ANKFN1: variants seen among roughly 807,000 people sequenced by gnomAD.
The protein encoded by ANKFN1 is ankyrin repeat and fibronectin type-III domain-containing protein 1.
A neutral mutation model predicts 108.7 loss-of-function variants in ANKFN1; 74 were observed. The ratio of observed to expected loss-of-function variants is 0.68; its 90% CI spans 0.56 to 0.83. The LOEUF (loss-of-function observed/expected upper bound fraction) is 0.83, where lower values mean the gene tolerates loss of function less well. Ranked by LOEUF, ANKFN1 falls within the 40% of genes least tolerant of loss-of-function variation. ANKFN1 has a pLI of 0.00. For missense variants in ANKFN1, 1,505 were observed against 1,382.3 expected, an observed-to-expected ratio of 1.09 and a Z score of -1.41; for synonymous variants, 547 against 516.2, an observed-to-expected ratio of 1.06 and a Z score of -0.81.
rs759919001 is a variant in ANKFN1 at position 56,091,835 on chromosome 17, G to A, written c.288+45510G>A. Among the ~76,000 whole-genome samples, 25 of 151,406 alleles carry A rather than the reference G, an allele frequency of 1.7e-4. 1 individual carries two copies. Among genetic ancestry groups the A allele is most frequent in the Non-Finnish European group, 3.1e-4 (21 of 67,740 alleles). On this transcript the variant is annotated intron_variant, in intron 4 of 12. Transcript: ENST00000635860. ...GCTGCAGAGGTAAATGTATTAACTAGTTGAATTGATATGTAATCCCCTGTA... is the reference window on the plus strand; with the variant it reads ...GCTGCAGAGGTAAATGTATTAACTAATTGAATTGATATGTAATCCCCTGTA...
intron 4 of ANKFN1, among the ~76,000 whole-genome samples, chr17:56,144,176 A>AC (rs1384380254): frequency 2.7e-4 from 33 of 121,876 alleles, no homozygotes; most frequent in Non-Finnish European, 4.6e-4. Flanking sequence ...AAAAAAAAAA[A>AC]AAAAAAAAAC....
In ANKFN1 at chr17:56,392,891, G is replaced by T. The variant is rs144794238; in HGVS notation, c.910+18177G>T. Among the ~76,000 whole-genome samples, 30 of 152,106 alleles carry T rather than the reference G, an allele frequency of 2.0e-4. 1 individual carries two copies. In the East Asian group the frequency reaches 5.8e-3, roughly 29 times the overall value. On this transcript the variant is annotated intron_variant, in intron 8 of 20. Coordinates refer to ENST00000682825, the MANE Select transcript of ANKFN1 (RefSeq NM_001370326.1). Reference sequence around the variant, plus strand: ...CTATTATATGCCTCGCATTGTGCCAGCTCTTGTCATATGCAAAAGCTCCCT... The same window carrying T: ...CTATTATATGCCTCGCATTGTGCCATCTCTTGTCATATGCAAAAGCTCCCT...
chr17:56,058,326 A>G (rs749510267), intron 4 of ANKFN1, among the ~76,000 whole-genome samples: 7 of 152,236 alleles, frequency 4.6e-5, no homozygotes, highest in Non-Finnish European at 7.3e-5. Flanking sequence ...CGCCACCTTC[A>G]TGAATAATCT....
chr17:56,391,486 G>A (rs1180437711), intron 8 of ANKFN1, among the ~76,000 whole-genome samples: 1 of 150,820 alleles, frequency 6.6e-6, no homozygotes, highest in African/African-American at 2.5e-5. Flanking sequence ...GAGTGCAGTG[G>A]CGCTATCTCA....
chr17:56,196,580 TA>T (rs1014708060), intron 1 of ANKFN1, among the ~76,000 whole-genome samples: 5 of 151,582 alleles, frequency 3.3e-5, no homozygotes, highest in Non-Finnish European at 4.4e-5. Flanking sequence ...ACAAAATTTT[TA>T]AAAAAAAATT....
Position 56,086,141 on chromosome 17 carries a change from G to A in ANKFN1, c.288+39816G>A, listed in dbSNP as rs997055835. Among the ~76,000 whole-genome samples, 9 of 150,898 alleles carry A rather than the reference G, an allele frequency of 6.0e-5. 1 individual carries two copies. Among genetic ancestry groups the A allele is most frequent in the Admixed American group, 2.7e-4 (4 of 15,090 alleles). On this transcript the variant is annotated intron_variant, in intron 4 of 12. Coordinates refer to the ANKFN1 transcript ENST00000635860. ...ATCAATTTGTGCCAGGTGCAGTGCC[G>A]CACACCTGTAGTCCTAGCACTTTGG...
intron 4 of ANKFN1, among the ~76,000 whole-genome samples, chr17:56,047,524 A>G (rs555215450): frequency 5.9e-5 from 9 of 152,242 alleles, no homozygotes; most frequent in African/African-American, 2.2e-4. Context: ...GAATGCTGTT[A>G]TGTGGGAGTC....
intron 4 of ANKFN1, among the ~76,000 whole-genome samples, chr17:56,078,942 A>G (rs1040384846): frequency 2.0e-5 from 3 of 152,206 alleles, no homozygotes; most frequent in African/African-American, 7.2e-5. Flanking sequence ...CTTTAGAGAC[A>G]GGAGGATTTT....
At chr17:56,136,118 C>A (rs1907587915) in intron 4 of ANKFN1, among the ~76,000 whole-genome samples, 1 of 152,132 alleles carries the variant, frequency 6.6e-6, no homozygotes, top group African/African-American at 2.4e-5. Flanking sequence ...CCTGTGCCAT[C>A]CAGAGGCACC....
At chr17:56,375,695 G>A (rs896438649) in intron 8 of ANKFN1, among the ~76,000 whole-genome samples, 6 of 152,132 alleles carry the variant, frequency 3.9e-5, no homozygotes, top group Admixed American at 6.5e-5. Context: ...GGCTACAATG[G>A]CAGCATTGGG....
At chr17:56,356,645 G>C (rs1036531274) in intron 6 of ANKFN1, among the ~76,000 whole-genome samples, 5 of 152,164 alleles carry the variant, frequency 3.3e-5, no homozygotes, top group Non-Finnish European at 7.3e-5. Flanking sequence ...CCTTTTTAGT[G>C]GAACTGGAGG....
intron 2 of ANKFN1, among the ~76,000 whole-genome samples, chr17:56,217,339 G>A (rs1315616709): frequency 1.3e-5 from 2 of 152,180 alleles, no homozygotes; most frequent in African/African-American, 4.8e-5. Flanking sequence ...CTGTGCATTT[G>A]CTAAGTCAAA....
In ANKFN1 at chr17:56,123,551, C is replaced by T. The variant is rs546386775; in HGVS notation, c.288+77226C>T. Among the ~76,000 whole-genome samples the T allele has an allele frequency of 7.2e-5, 11 of 152,176 alleles. No individual in the cohort carries two copies. In the South Asian group the frequency reaches 8.3e-4, roughly 11 times the overall value. On this transcript the variant is annotated intron_variant, in intron 4 of 12. Coordinates refer to the ANKFN1 transcript ENST00000635860. ...GAAGATTTTCACTATAGCAGGGAGC[C>T]GCATGGGCCTTTATCCAGTGAGAAT...
intron 8 of ANKFN1, among the ~76,000 whole-genome samples, chr17:56,417,526 T>A (rs2145032687): frequency 6.6e-6 from 1 of 152,310 alleles, no homozygotes; most frequent in East Asian, 1.9e-4. Flanking sequence ...CAAGTCCCTG[T>A]CCCCTTGGGA....
intron 4 of ANKFN1, among the ~76,000 whole-genome samples, chr17:56,062,852 A>T (rs1439136662): frequency 6.6e-6 from 1 of 152,134 alleles, no homozygotes; most frequent in Non-Finnish European, 1.5e-5. Flanking sequence ...GTGTTTTTGC[A>T]GTGGCTGGTA....
intron 8 of ANKFN1, among the ~76,000 whole-genome samples, chr17:56,416,884 A>T (rs1190098972): frequency 6.6e-6 from 1 of 152,198 alleles, no homozygotes; most frequent in Non-Finnish European, 1.5e-5. Flanking sequence ...CATAAAAAAG[A>T]ATGAGATCCT....
intron 6 of ANKFN1, among the ~76,000 whole-genome samples, chr17:56,371,063 T>A (rs1396736866): frequency 1.3e-5 from 2 of 152,174 alleles, no homozygotes; most frequent in Admixed American, 6.5e-5. Flanking sequence ...GGATTCTGCA[T>A]AGTGTAGCTG....
In ANKFN1 at chr17:56,510,537, C is replaced by T. The variant is rs780466220; in HGVS notation, c.2709C>T (p.Tyr903=). Reference sequence around the variant, plus strand: ...TCTTCCTCCCCACCAACAGTGACTACGACTCCAGCGATGCCCTGAGCCCCA... The same window carrying T: ...TCTTCCTCCCCACCAACAGTGACTATGACTCCAGCGATGCCCTGAGCCCCA... ...SEVFLPTNSD[Y]DSSDALSPRD... Residue 903 remains tyrosine, a synonymous_variant, in exon 21 of 21, where the codon TAC becomes TAT. Transcript: ENST00000682825. The T allele has an allele frequency of 2.6e-6, 4 of 1,536,174 alleles. No homozygotes were observed. The highest frequency in any genetic ancestry group is 2.0e-5 in the Admixed American group (1 of 51,008).
At chr17:56,322,009 C>A (rs1351420853) in intron 3 of ANKFN1, among the ~76,000 whole-genome samples, 1 of 152,150 alleles carries the variant, frequency 6.6e-6, no homozygotes, top group Admixed American at 6.5e-5. Flanking sequence ...CTAGAGGCAG[C>A]TCATCTGTCA....
Sources: allele counts gnomAD v4.1 joint callset (sites outside exome capture counted in the v4.1 genomes callset), GRCh38; gene constraint gnomAD v4.1.1; transcripts MANE v1.5; gene names NCBI Gene and HGNC (gene_info 2026-07-23, HGNC 2026-07-21).